The following LAMA2 variants were observed in gnomAD, a reference collection of about 807,000 sequenced individuals.
LAMA2 encodes laminin subunit alpha-2.
LAMA2 carries 269 observed loss-of-function variants against 364.8 expected under a neutral mutation model. The observed-to-expected ratio is 0.74, with a 90% CI of 0.67 to 0.82. The LOEUF (loss-of-function observed/expected upper bound fraction) is 0.82. Ranked by LOEUF, LAMA2 falls within the 40% of genes least tolerant of loss-of-function variation. The pLI is 0.00. For synonymous variants in LAMA2, 1,379 were observed against 1,370.6 expected (o/e 1.01, Z -0.14); for missense variants, 3,807 against 3,873.2 (o/e 0.98, Z 0.45).
intron 12 of LAMA2, among the ~76,000 whole-genome samples, chr6:129,199,736 G>A (rs760467263): frequency 2.0e-5 from 3 of 151,948 alleles, no homozygotes; most frequent in Non-Finnish European, 2.9e-5. Flanking sequence ...CATATAAATA[G>A]TACCAAGGAT....
At position 129,502,779 on chromosome 6, in the gene LAMA2, T is replaced by G. The variant is rs1256331429; in HGVS notation, c.8357+8T>G. ...CACCAAAGTTAAAAACCGGTATGTA[T>G]CATCCTGAGACACTGGGAAAGAACC... On this transcript the variant is annotated splice_region_variant and intron_variant, in intron 59 of 64. Transcript: ENST00000421865. 5.8e-6 allele frequency: 9 copies of G among 1,556,190 alleles called. No homozygotes were observed. The highest frequency in any genetic ancestry group is 7.1e-6 in the Non-Finnish European group (8 of 1,127,564).
At chr6:128,901,983 C>T (rs1777113791) in intron 1 of LAMA2, among the ~76,000 whole-genome samples, 1 of 152,174 alleles carries the variant, frequency 6.6e-6, no homozygotes, top group Admixed American at 6.5e-5. Flanking sequence ...TTCCACCTGG[C>T]TGGGGAGGCC....
chr6:129,213,767 C>T lies in LAMA2; in HGVS notation c.1782+20914C>T, dbSNP rs1346747495. Among the ~76,000 whole-genome samples, 4 of 152,050 alleles carry T rather than the reference C, an allele frequency of 2.6e-5. No individual in the cohort carries two copies. The South Asian group carries it at 6.2e-4, about 24-fold the overall frequency. On this transcript the variant is annotated intron_variant, in intron 12 of 64. Transcript: ENST00000421865. Reference sequence around the variant, plus strand: ...GTTCTTTGTATGTTTTGGACCATATCAGGTATATCTTTTGCAAATATTTTC... The same window carrying T: ...GTTCTTTGTATGTTTTGGACCATATTAGGTATATCTTTTGCAAATATTTTC...
intron 1 of LAMA2, among the ~76,000 whole-genome samples, chr6:128,911,393 A>C (rs1028003633): frequency 2.9e-4 from 44 of 152,140 alleles, no homozygotes; most frequent in African/African-American, 8.9e-4. Flanking sequence ...GGGAGTGACC[A>C]GATTTTCCAG....
intron 22 of LAMA2, among the ~76,000 whole-genome samples, chr6:129,309,902 ATTT>A (rs993652081): frequency 7.4e-6 from 1 of 135,782 alleles, no homozygotes. Flanking sequence ...CCTGATAATC[ATTT>A]TTTTTTTTTT....
intron 8 of LAMA2, chr6:129,158,973 A>G: frequency 6.3e-7 from 1 of 1,589,212 alleles, no homozygotes; most frequent in Non-Finnish European, 8.6e-7. Flanking sequence ...TCTGGTGCTA[A>G]GGTTACTCCA....
intron 30 of LAMA2, among the ~76,000 whole-genome samples, chr6:129,348,311 A>G (rs1195618836): frequency 1.3e-5 from 2 of 152,210 alleles, no homozygotes; most frequent in Non-Finnish European, 2.9e-5. Flanking sequence ...CACCTGACCA[A>G]AAGGAGCTGT....
intron 29 of LAMA2, among the ~76,000 whole-genome samples, chr6:129,332,129 T>C (rs1472982713): frequency 6.6e-6 from 1 of 152,232 alleles, no homozygotes; most frequent in Non-Finnish European, 1.5e-5. Flanking sequence ...GATATTTTGA[T>C]ATTGACATCC....
intron 4 of LAMA2, among the ~76,000 whole-genome samples, chr6:129,136,723 T>A (rs1777818189): frequency 6.6e-6 from 1 of 152,198 alleles, no homozygotes; most frequent in Non-Finnish European, 1.5e-5. Flanking sequence ...TATGTTTAAA[T>A]ATTTTGTGGA....
chr6:129,314,398 C>CAAAAAAAAAAAAAAAAAGAAA (rs1774434063), intron 23 of LAMA2, among the ~76,000 whole-genome samples: 1 of 81,890 alleles, frequency 1.2e-5, no homozygotes, highest in African/African-American at 5.5e-5. Flanking sequence ...GACTCCGTCT[C>CAAAAAAAAAAAAAAAAAGAAA]AAAAAAAAAA....
intron 32 of LAMA2, among the ~76,000 whole-genome samples, chr6:129,360,630 G>A (rs1455878717): frequency 6.6e-6 from 1 of 152,104 alleles, no homozygotes; most frequent in Non-Finnish European, 1.5e-5. Flanking sequence ...TCCCCAAAAA[G>A]CAAATACAGA....
intron 40 of LAMA2, among the ~76,000 whole-genome samples, chr6:129,417,859 C>T (rs2114723792): frequency 6.6e-6 from 1 of 152,298 alleles, no homozygotes; most frequent in East Asian, 1.9e-4. Context: ...GCTCTGAAAT[C>T]AGCCTGGGTG....
intron 3 of LAMA2, among the ~76,000 whole-genome samples, chr6:129,069,921 A>G (rs1177905157): frequency 1.3e-5 from 2 of 151,426 alleles, no homozygotes; most frequent in Non-Finnish European, 2.9e-5. Context: ...TTTTCTAGAA[A>G]TTGACTACAT....
rs1461305651 is a variant in LAMA2, at chr6:129,039,943, CG to C, written c.113-9972del. ...TCTGCAGCCCTGGGGTTGGGGACCCCGGGTTAGGATGCTACTGTAATAAATG... is the reference window on the plus strand; with the variant it reads ...TCTGCAGCCCTGGGGTTGGGGACCCCGGTTAGGATGCTACTGTAATAAATG... On this transcript the variant is annotated intron_variant, in intron 1 of 64. Transcript: ENST00000421865. 3.9e-5 allele frequency among the ~76,000 whole-genome samples: 6 copies of C among 152,168 alleles called. No homozygotes were observed. The East Asian group carries it at 1.2e-3, about 29-fold the overall frequency.
chr6:129,400,116 G>T (rs941686752), intron 37 of LAMA2, among the ~76,000 whole-genome samples: 2 of 152,154 alleles, frequency 1.3e-5, no homozygotes, highest in Non-Finnish European at 1.5e-5. Context: ...CCACTTTCTG[G>T]TTCATAGACA....
chr6:129,276,116 C>T (rs982935680), intron 17 of LAMA2, among the ~76,000 whole-genome samples: 7 of 151,836 alleles, frequency 4.6e-5, no homozygotes, highest in Admixed American at 3.9e-4. Flanking sequence ...TTTTCTTTTT[C>T]TCCTCTTCCT....
intron 1 of LAMA2, among the ~76,000 whole-genome samples, chr6:129,004,406 T>TAAAA (rs61244248): frequency 2.1e-3 from 113 of 53,632 alleles, no homozygotes; most frequent in African/African-American, 5.3e-3. Flanking sequence ...AGTATAATAA[T>TAAAA]AAAAAAAAAA....
intron 31 of LAMA2, among the ~76,000 whole-genome samples, chr6:129,351,836 T>C (rs1378967211): frequency 6.6e-6 from 1 of 152,228 alleles, no homozygotes; most frequent in Non-Finnish European, 1.5e-5. Flanking sequence ...CTTTCAGTAT[T>C]TGTACTCTTT....
At chr6:129,210,655 C>T (rs899914599) in intron 12 of LAMA2, among the ~76,000 whole-genome samples, 1 of 152,148 alleles carries the variant, frequency 6.6e-6, no homozygotes, top group Admixed American at 6.5e-5. Flanking sequence ...TACCCACTAG[C>T]CAGTTATAAA....
Sources: gnomAD v4.1 joint callset for allele counts (sites outside exome capture counted in the v4.1 genomes callset) on GRCh38, gnomAD v4.1.1 for gene constraint, MANE v1.5 for transcripts, NCBI Gene and HGNC (gene_info 2026-07-23, HGNC 2026-07-21) for gene names.